The following CAP2 variants were observed in gnomAD, a reference collection of about 807,000 sequenced individuals.
The protein encoded by CAP2 is adenylyl cyclase-associated protein 2.
CAP2 carries 24 observed loss-of-function variants against 57.7 expected under a neutral mutation model. That is an observed-to-expected ratio of 0.42 (90% CI 0.30 to 0.58). The LOEUF (loss-of-function observed/expected upper bound fraction) is 0.58. Ranked by LOEUF, CAP2 falls within the 20% of genes least tolerant of loss-of-function variation. The probability of loss-of-function intolerance (pLI) is 0.22; values close to 1 mark genes in which losing one functional copy is unlikely to be tolerated. For synonymous variants in CAP2, 194 were observed against 207.2 expected, an observed-to-expected ratio of 0.94 and a Z score of 0.55; for missense variants, 501 against 590.3, an observed-to-expected ratio of 0.85 and a Z score of 1.57.
chr6:17,427,511 A>C (rs1042668815), intron 3 of CAP2, among the ~76,000 whole-genome samples: 4 of 151,960 alleles, frequency 2.6e-5, no homozygotes, highest in African/African-American at 9.7e-5. Context: ...GGAATTAACA[A>C]GTACTGGTTA....
rs1763337250 is a variant in CAP2, at chr6:17,557,298, A to C, written c.*856A>C. On this transcript the variant is annotated 3_prime_UTR_variant, in exon 13 of 13. Coordinates refer to ENST00000229922, the MANE Select transcript of CAP2 (RefSeq NM_006366.3). ...TGTCTTTAACGTTTTCTTATAGACT[A>C]ATTTCCTCTTTTCCACCTGCCAGAC... The C allele has an allele frequency of 6.6e-6, 1 of 152,176 alleles. No individual in the cohort carries two copies. Among genetic ancestry groups the C allele is most frequent in the Admixed American group, 6.5e-5 (1 of 15,274 alleles). 9.4% of individuals were successfully genotyped at this position (152,176 alleles called of 1,614,324 possible).
At chr6:17,432,915 T>G (rs1476711670) in intron 3 of CAP2, among the ~76,000 whole-genome samples, 1 of 151,844 alleles carries the variant, frequency 6.6e-6, no homozygotes, top group East Asian at 1.9e-4. Flanking sequence ...TTATTTTCTT[T>G]TACTTCCTTC....
intron 4 of CAP2, among the ~76,000 whole-genome samples, chr6:17,481,883 AC>A (rs1761296564): frequency 6.6e-6 from 1 of 152,078 alleles, no homozygotes; most frequent in South Asian, 2.1e-4. Flanking sequence ...AGCTCTCTTT[AC>A]CTGTGATCAC....
At chr6:17,455,313 C>T (rs904056121) in intron 3 of CAP2, among the ~76,000 whole-genome samples, 2 of 151,746 alleles carry the variant, frequency 1.3e-5, no homozygotes, top group East Asian at 1.9e-4. Context: ...AGCGAGCATG[C>T]GCACAACTTA....
At chr6:17,511,565 C>T (rs1379533808) in intron 6 of CAP2, among the ~76,000 whole-genome samples, 1 of 152,182 alleles carries the variant, frequency 6.6e-6, no homozygotes, top group African/African-American at 2.4e-5. Context: ...AGTTCTCCTG[C>T]CTCAGCCTCC....
intron 3 of CAP2, among the ~76,000 whole-genome samples, chr6:17,446,626 G>T (rs947117452): frequency 6.6e-6 from 1 of 152,192 alleles, no homozygotes; most frequent in Non-Finnish European, 1.5e-5. Flanking sequence ...TCACCCTTGT[G>T]GGGTGGGATT....
chr6:17,397,896 A>C (rs1202843156), intron 1 of CAP2, among the ~76,000 whole-genome samples: 1 of 151,512 alleles, frequency 6.6e-6, no homozygotes, highest in African/African-American at 2.4e-5. Context: ...AGAGTTCTTC[A>C]CTGTGAATGT....
chr6:17,479,642 C>CA (rs1398144592), intron 4 of CAP2, among the ~76,000 whole-genome samples: 11 of 136,684 alleles, frequency 8.0e-5, no homozygotes, highest in African/African-American at 3.1e-4. Context: ...GACAGAGTCT[C>CA]ACTTTGTCGC....
chr6:17,543,563 G>A (rs1248745055), intron 11 of CAP2, among the ~76,000 whole-genome samples: 2 of 147,750 alleles, frequency 1.4e-5, no homozygotes, highest in African/African-American at 5.0e-5. Flanking sequence ...GGAGCTTGCA[G>A]TGAGCGAGCC....
intron 1 of CAP2, among the ~76,000 whole-genome samples, chr6:17,412,695 T>G (rs1443204775): frequency 1.3e-5 from 2 of 152,044 alleles, no homozygotes; most frequent in African/African-American, 2.4e-5. Context: ...TACATGTGGT[T>G]TAGATGGAAA....
rs534478452 is a variant in CAP2 at position 17,546,244 on chromosome 6, A to G, written c.1209+3101A>G. On this transcript the variant is annotated intron_variant, in intron 11 of 12. Transcript: ENST00000229922. ...TTTAATGACCGCCATGCTAACTGGT[A>G]TGAGATTGTATCTCACTGTGGTTTT... 1.2e-3 allele frequency among the ~76,000 whole-genome samples: 183 copies of G among 152,260 alleles called. 1 individual carries two copies. Among genetic ancestry groups the G allele is most frequent in the African/African-American group, 4.0e-3 (167 of 41,548 alleles).
In CAP2 at chr6:17,513,559, A is replaced by T. The variant is rs1026224572; in HGVS notation, c.531-290A>T. Among the ~76,000 whole-genome samples the T allele has an allele frequency of 6.6e-6, 1 of 152,006 alleles. No individual in the cohort carries two copies. Among genetic ancestry groups the T allele is most frequent in the Non-Finnish European group, 1.5e-5 (1 of 68,010 alleles). On this transcript the variant is annotated intron_variant, in intron 6 of 12. Transcript: ENST00000229922. This position sits in a 1 kb window ranked among gnomAD's most constrained non-coding sequence, Gnocchi z 4.3. ...GAGGGCTGACTGGGACAGTGCAAGG[A>T]CACCCTACTCAAGTCAGCTTAGCTC... is the stretch of plus-strand genomic sequence containing the variant.
At chr6:17,528,344 G>T (rs2113684000) in intron 7 of CAP2, among the ~76,000 whole-genome samples, 1 of 152,318 alleles carries the variant, frequency 6.6e-6, no homozygotes, top group East Asian at 1.9e-4. Flanking sequence ...CAAACATAAA[G>T]ACACTAAGTT....
At chr6:17,464,118 C>T (rs1004096275) in intron 4 of CAP2, among the ~76,000 whole-genome samples, 1 of 152,130 alleles carries the variant, frequency 6.6e-6, no homozygotes, top group African/African-American at 2.4e-5. Flanking sequence ...ACTGCATTCC[C>T]TCTACCAAGG....
At chr6:17,502,891 C>T (rs78650847) in intron 4 of CAP2, among the ~76,000 whole-genome samples, 10,144 of 152,226 alleles carry the variant, frequency 0.067, 384 homozygotes, top group East Asian at 0.12. Context: ...AATCAGCTGC[C>T]TTCTGGGGAA....
intron 12 of CAP2, among the ~76,000 whole-genome samples, chr6:17,555,153 C>T (rs1168065181): frequency 1.3e-5 from 2 of 152,184 alleles, no homozygotes; most frequent in Admixed American, 6.5e-5. Flanking sequence ...CCCAGACCTA[C>T]TGAATCAGAA....
intron 3 of CAP2, among the ~76,000 whole-genome samples, chr6:17,437,583 G>A (rs1440161515): frequency 3.3e-5 from 5 of 152,094 alleles, no homozygotes; most frequent in African/African-American, 1.2e-4. Flanking sequence ...TTTTTCATAT[G>A]TTTAAGGGTC....
intron 3 of CAP2, among the ~76,000 whole-genome samples, chr6:17,456,404 A>G (rs1760573083): frequency 6.6e-6 from 1 of 152,132 alleles, no homozygotes; most frequent in Non-Finnish European, 1.5e-5. Context: ...AATGGGTGAA[A>G]TTTGTCTTTA....
At chr6:17,459,901 T>C (rs534963435) in intron 3 of CAP2, among the ~76,000 whole-genome samples, 1 of 152,244 alleles carries the variant, frequency 6.6e-6, no homozygotes, top group South Asian at 2.1e-4. Context: ...GGATAATAAT[T>C]GGGTCCCTGA....
Sources: allele counts gnomAD v4.1 joint callset (sites outside exome capture counted in the v4.1 genomes callset), GRCh38; gene constraint gnomAD v4.1.1; non-coding constraint Gnocchi (gnomAD v3.1); transcripts MANE v1.5; gene names NCBI Gene and HGNC (gene_info 2026-07-23, HGNC 2026-07-21).